The following SPMAP1 variants were observed in gnomAD, a reference collection of about 807,000 sequenced individuals.
SPMAP1 encodes uncharacterized protein C17orf98.
At chr17:38,836,554 T>A in the SPMAP1 span, among the ~76,000 whole-genome samples, 1 of 150,956 alleles carries the variant, frequency 6.6e-6, no homozygotes, top group Admixed American at 6.6e-5. Context: ...GAGTAGTAAT[T>A]GTGCTACTGC....
the SPMAP1 span, chr17:38,835,101 A>AT: frequency 1.4e-4 from 197 of 1,431,530 alleles, 1 homozygote; most frequent in African/African-American, 2.3e-3. Context: ...ACACAAATTA[A>AT]TTTTTTTAAC....
At chr17:38,835,177 G>C in the SPMAP1 span, 2 of 1,613,334 alleles carry the variant, frequency 1.2e-6, no homozygotes, top group Non-Finnish European at 1.7e-6. Context: ...GCTATGAAGG[G>C]AAAAGATGCT....
chr17:38,839,617 C>T, the SPMAP1 span, among the ~76,000 whole-genome samples: 1 of 151,984 alleles, frequency 6.6e-6, no homozygotes, highest in Non-Finnish European at 1.5e-5. Flanking sequence ...GAAACCCCGT[C>T]TCTACTATTT....
the SPMAP1 span, chr17:38,835,208 G>A: frequency 6.2e-7 from 1 of 1,614,206 alleles, no homozygotes; most frequent in Non-Finnish European, 8.5e-7. Context: ...AGGGAAGTGG[G>A]TGACCTCTCC....
At chr17:38,839,444 G>A in the SPMAP1 span, among the ~76,000 whole-genome samples, 1 of 148,578 alleles carries the variant, frequency 6.7e-6, no homozygotes, top group Admixed American at 6.9e-5. Context: ...CTCCAGCCAG[G>A]GTGACAGAAC....
At chr17:38,835,695 A>G in the SPMAP1 span, among the ~76,000 whole-genome samples, 3 of 152,334 alleles carry the variant, frequency 2.0e-5, no homozygotes, top group Admixed American at 6.5e-5. Flanking sequence ...ACCCATGTGG[A>G]AAAAATGGAT....
the SPMAP1 span, chr17:38,837,217 A>G: frequency 6.2e-7 from 1 of 1,613,816 alleles, no homozygotes; most frequent in South Asian, 1.1e-5. Flanking sequence ...CTATCCAGCC[A>G]TCCCTTCCTG....
At chr17:38,841,216 G>C in the SPMAP1 span, 1 of 1,614,172 alleles carries the variant, frequency 6.2e-7, no homozygotes. Flanking sequence ...GCGGAACCAC[G>C]TGACTCTGGA....
chr17:38,837,257 G>T, the SPMAP1 span: 2 of 1,569,264 alleles, frequency 1.3e-6, no homozygotes, highest in Non-Finnish European at 1.8e-6. Context: ...GTGGGCAAGA[G>T]AAAGTGGGCA....
chr17:38,838,137 C>T, the SPMAP1 span, among the ~76,000 whole-genome samples: 1 of 151,204 alleles, frequency 6.6e-6, no homozygotes, highest in Non-Finnish European at 1.5e-5. Flanking sequence ...CCCGCCTCGG[C>T]CTCCCAAAGT....
the SPMAP1 span, among the ~76,000 whole-genome samples, chr17:38,838,427 C>T: frequency 1.3e-5 from 2 of 151,784 alleles, no homozygotes; most frequent in South Asian, 2.1e-4. Flanking sequence ...TGGCTAAACC[C>T]GGTGTCTACT....
the SPMAP1 span, among the ~76,000 whole-genome samples, chr17:38,838,243 A>G: frequency 6.6e-6 from 1 of 152,160 alleles, no homozygotes; most frequent in African/African-American, 2.4e-5. Context: ...AGTTTAATAA[A>G]TGTTATCTTT....
chr17:38,835,348 T>C, the SPMAP1 span: 1 of 1,614,130 alleles, frequency 6.2e-7, no homozygotes, highest in East Asian at 2.2e-5. Context: ...GAGAATGCCC[T>C]TGGGGACAAG....
At chr17:38,837,232 G>T in the SPMAP1 span, 7 of 1,611,690 alleles carry the variant, frequency 4.3e-6, no homozygotes, top group Non-Finnish European at 5.9e-6. Context: ...TTCCTGTACC[G>T]CCATGATCCT....
chr17:38,839,705 C>T, the SPMAP1 span, among the ~76,000 whole-genome samples: 5 of 151,244 alleles, frequency 3.3e-5, no homozygotes, highest in Admixed American at 2.6e-4. Flanking sequence ...GAGGCTGAAG[C>T]AGGAGAATGG....
At chr17:38,839,467 CAAAA>C in the SPMAP1 span, among the ~76,000 whole-genome samples, 1 of 124,902 alleles carries the variant, frequency 8.0e-6, no homozygotes, top group African/African-American at 3.1e-5. Context: ...GACCCTGTCT[CAAAA>C]AAAAAAAAAA....
chr17:38,837,005 G>A, the SPMAP1 span: 1 of 690,378 alleles, frequency 1.4e-6, no homozygotes, highest in Admixed American at 2.2e-5. Flanking sequence ...ACTAATATTA[G>A]GGGGCACTGT....
the SPMAP1 span, among the ~76,000 whole-genome samples, chr17:38,839,107 GGAAA>G: frequency 1.1e-4 from 14 of 126,882 alleles, no homozygotes; most frequent in Middle Eastern, 4.6e-3. Flanking sequence ...AAAAAAAAAA[GGAAA>G]GAAAGAAAGC....
At chr17:38,838,813 G>A in the SPMAP1 span, among the ~76,000 whole-genome samples, 3 of 150,682 alleles carry the variant, frequency 2.0e-5, no homozygotes, top group African/African-American at 4.9e-5. Context: ...GGCCGGGTGC[G>A]GTGGCCCACG....
Sources: gnomAD v4.1 joint callset for allele counts (sites outside exome capture counted in the v4.1 genomes callset) on GRCh38, gnomAD v4.1.1 for gene constraint, MANE v1.5 for transcripts, NCBI Gene and HGNC (gene_info 2026-07-23, HGNC 2026-07-21) for gene names.